Variants in ERBB4 observed in about 807,000 individuals in gnomAD.
The protein encoded by ERBB4 is erb-b2 receptor tyrosine kinase 4.
ERBB4 carries 42 observed loss-of-function variants against 158.0 expected under a neutral mutation model. The observed-to-expected ratio is 0.27, with a 90% CI of 0.21 to 0.34. ERBB4 has a LOEUF of 0.34. ERBB4 is among the 10% of genes least tolerant of loss of function. The probability of loss-of-function intolerance (pLI) is 1.00; values close to 1 mark genes in which losing one functional copy is unlikely to be tolerated. For missense variants in ERBB4, 1,333 were observed against 1,624.1 expected (o/e 0.82, Z 3.08); for synonymous variants, 583 against 558.7 (o/e 1.04, Z -0.61).
intron 1 of ERBB4, among the ~76,000 whole-genome samples, chr2:212,452,703 T>C (rs57473409): frequency 0.15 from 23,352 of 152,024 alleles, 1,942 homozygotes; most frequent in African/African-American, 0.2. Flanking sequence ...CATCTTACAA[T>C]TTGCTTACTC....
At chr2:211,868,178 G>A (rs2078256678) in intron 3 of ERBB4, among the ~76,000 whole-genome samples, 1 of 152,112 alleles carries the variant, frequency 6.6e-6, no homozygotes, top group South Asian at 2.1e-4. Flanking sequence ...GTTAAATATG[G>A]TATTTCTACA....
chr2:211,715,038 A>G (rs549840307), intron 7 of ERBB4, among the ~76,000 whole-genome samples: 1 of 152,340 alleles, frequency 6.6e-6, no homozygotes, highest in East Asian at 1.9e-4. Context: ...TCTGTCTGCC[A>G]TCTCACCTAT....
chr2:212,216,086 T>C (rs1459897432), intron 1 of ERBB4, among the ~76,000 whole-genome samples: 1 of 151,316 alleles, frequency 6.6e-6, no homozygotes, highest in Admixed American at 6.6e-5. Context: ...AATACTTGCG[T>C]TGTAAGTTTC....
intron 1 of ERBB4, among the ~76,000 whole-genome samples, chr2:212,356,836 T>C (rs1231722364): frequency 6.6e-6 from 1 of 151,888 alleles, no homozygotes; most frequent in Non-Finnish European, 1.5e-5. Flanking sequence ...TTATGTGAAA[T>C]AAAGTAAAAA....
At chr2:212,143,933 C>T (rs998292298) in intron 1 of ERBB4, among the ~76,000 whole-genome samples, 7 of 151,662 alleles carry the variant, frequency 4.6e-5, no homozygotes, top group South Asian at 2.1e-4. Context: ...GCAGGAGAAT[C>T]GCTTGAACCC....
chr2:211,833,802 T>C (rs980048478), intron 3 of ERBB4, among the ~76,000 whole-genome samples: 1 of 152,050 alleles, frequency 6.6e-6, no homozygotes, highest in African/African-American at 2.4e-5. Flanking sequence ...AATATCAGAT[T>C]AGACTAGACC....
At chr2:212,389,140 A>G (rs2090772278) in intron 1 of ERBB4, among the ~76,000 whole-genome samples, 1 of 152,136 alleles carries the variant, frequency 6.6e-6, no homozygotes, top group African/African-American at 2.4e-5. Context: ...CCTAAATCTG[A>G]TGTTCCAGCA....
chr2:212,204,709 C>CAA (rs138872757), intron 1 of ERBB4, among the ~76,000 whole-genome samples: 11,389 of 128,138 alleles, frequency 0.089, 471 homozygotes, highest in Non-Finnish European at 0.099. Flanking sequence ...ACAAAAAAAA[C>CAA]AAAAAAAAAA....
chr2:212,512,361 CAA>C (rs71397170), intron 1 of ERBB4, among the ~76,000 whole-genome samples: 1 of 147,242 alleles, frequency 6.8e-6, no homozygotes, highest in African/African-American at 2.5e-5. Flanking sequence ...TATATATACA[CAA>C]AAAAAAACAA....
rs149925420 is a variant in ERBB4 at position 212,344,787 on chromosome 2, A to T, written c.82+193662T>A. Among the ~76,000 whole-genome samples, 128 of 152,224 alleles carry T rather than the reference A, an allele frequency of 8.4e-4. 1 individual carries two copies. The East Asian group carries it at 0.021, about 24-fold the overall frequency. Reference sequence around the variant, plus strand: ...ACAGTAGAGTGTCTAAGAGTCTAAGAGCCCTGGCTTTCAAATCAGAAAGAC... The same window carrying T: ...ACAGTAGAGTGTCTAAGAGTCTAAGTGCCCTGGCTTTCAAATCAGAAAGAC... On this transcript the variant is annotated intron_variant, in intron 1 of 27. Transcript: ENST00000342788.
chr2:211,437,327 T>C (rs1467882573), intron 20 of ERBB4, among the ~76,000 whole-genome samples: 3 of 152,232 alleles, frequency 2.0e-5, no homozygotes, highest in African/African-American at 7.2e-5. Flanking sequence ...GAAATGAACT[T>C]TGATATAAAA....
intron 5 of ERBB4, among the ~76,000 whole-genome samples, chr2:211,737,397 ACTT>A (rs1575073717): frequency 1.3e-5 from 2 of 152,082 alleles, no homozygotes; most frequent in South Asian, 4.1e-4. Flanking sequence ...CTCTAGTCCC[ACTT>A]CTTCTTGTCT....
At chr2:211,384,108 T>C (rs773481927) in intron 27 of ERBB4, 48 bp from the exon 28 acceptor site, 3 of 1,377,162 alleles carry the variant, frequency 2.2e-6, no homozygotes, top group South Asian at 2.3e-5. Flanking sequence ...CTGGAAAATA[T>C]TAATCAGACC....
Position 212,538,754 on chromosome 2 carries a change from G to C in ERBB4, c.-224C>G. ...GGCGAGTGTGAGCGCGTGTGTGCGC[G>C]TGTGGGAGTGTGCTCGGTGTGTGCG... On this transcript the variant is annotated 5_prime_UTR_variant, in exon 1 of 28. Coordinates refer to ENST00000342788, the MANE Select transcript of ERBB4 (RefSeq NM_005235.3). 2.5e-6 allele frequency: 1 copy of C among 394,214 alleles called. No homozygotes were observed. The highest frequency in any genetic ancestry group is 4.4e-6 in the Non-Finnish European group (1 of 227,482). The allele number at this position is 394,214 out of a possible 1,614,324, so 24.4% of individuals were successfully genotyped here. A position where few individuals can be genotyped will look rare whatever the true frequency, so the allele number is the denominator to read the frequency against.
At chr2:211,916,699 C>G (rs1290081423) in intron 3 of ERBB4, among the ~76,000 whole-genome samples, 1 of 152,038 alleles carries the variant, frequency 6.6e-6, no homozygotes, top group Non-Finnish European at 1.5e-5. Flanking sequence ...TCTTCTCTCA[C>G]TTATTGCTTG....
At chr2:211,414,891 A>AAATT (rs1414457617) in intron 25 of ERBB4, among the ~76,000 whole-genome samples, 1 of 151,928 alleles carries the variant, frequency 6.6e-6, no homozygotes, top group Non-Finnish European at 1.5e-5. Flanking sequence ...TAAACTCTTA[A>AAATT]AATTGGACTG....
chr2:211,926,900 A>C (rs954556343), intron 3 of ERBB4, among the ~76,000 whole-genome samples: 1 of 152,100 alleles, frequency 6.6e-6, no homozygotes, highest in African/African-American at 2.4e-5. Flanking sequence ...CTATCTCCTC[A>C]AAAGCTGTCC....
intron 12 of ERBB4, among the ~76,000 whole-genome samples, chr2:211,686,507 T>C (rs1220475592): frequency 6.6e-6 from 1 of 152,166 alleles, no homozygotes; most frequent in African/African-American, 2.4e-5. Flanking sequence ...GCTACTACTT[T>C]GCTAAGGAGT....
intron 2 of ERBB4, among the ~76,000 whole-genome samples, chr2:212,107,293 G>C (rs866995802): frequency 6.6e-6 from 1 of 152,200 alleles, no homozygotes; most frequent in Non-Finnish European, 1.5e-5. Flanking sequence ...CTGGATATGA[G>C]ACATGGAGTC....
Sources: allele counts gnomAD v4.1 joint callset (sites outside exome capture counted in the v4.1 genomes callset), GRCh38; gene constraint gnomAD v4.1.1; transcripts MANE v1.5; gene names NCBI Gene and HGNC (gene_info 2026-07-23, HGNC 2026-07-21).